Variants in PCNX2 observed in about 807,000 individuals in gnomAD.
The protein encoded by PCNX2 is pecanex-like protein 2.
Under a neutral mutation model 223.8 loss-of-function variants are expected in PCNX2, and 168 were observed. The ratio of observed to expected loss-of-function variants is 0.75; its 90% CI spans 0.66 to 0.85. PCNX2 has a LOEUF of 0.85. Among genes scored for constraint, PCNX2 ranks in the 40% least tolerant of loss-of-function variants. PCNX2 has a pLI of 0.00. For missense variants in PCNX2, 2,507 were observed against 2,675.5 expected, an observed-to-expected ratio of 0.94 and a Z score of 1.39; for synonymous variants, 1,006 against 1,052.6, an observed-to-expected ratio of 0.96 and a Z score of 0.86.
chr1:233,234,349 G>C (rs534891097), intron 9 of PCNX2, among the ~76,000 whole-genome samples: 1 of 152,102 alleles, frequency 6.6e-6, no homozygotes, highest in Non-Finnish European at 1.5e-5. Context: ...CTAAACATGA[G>C]CCTGGTTAGC....
rs113215057 is a variant in PCNX2, at chr1:233,294,065, G to C, written c.153+1261C>G. On this transcript the variant is annotated intron_variant, in intron 1 of 33. Transcript: ENST00000258229. Reference sequence around the variant, plus strand: ...ATATATAATTTTGGTTAATTTTTCTGTGAAGTGGTGATTGTGATGATCACA... The same window carrying C: ...ATATATAATTTTGGTTAATTTTTCTCTGAAGTGGTGATTGTGATGATCACA... 64 of 871,816 alleles carry C rather than the reference G, an allele frequency of 7.3e-5. No homozygotes were observed. The African/African-American group carries it at 1.1e-3, about 15-fold the overall frequency. 54.0% of individuals were successfully genotyped at this position (871,816 alleles called of 1,614,324 possible). A position where few individuals can be genotyped will look rare whatever the true frequency, so the allele number is the denominator to read the frequency against.
chr1:233,183,348 C>T lies in PCNX2; in HGVS notation c.3067-4173G>A, dbSNP rs115336322. ...GGGCAACCTTACATGTTTCTTTCCC[C>T]GGTACCTGGCACAAATGTTAGCACC... On this transcript the variant is annotated intron_variant, in intron 15 of 33. Coordinates refer to ENST00000258229, the MANE Select transcript of PCNX2 (RefSeq NM_014801.4). Among the ~76,000 whole-genome samples the T allele has an allele frequency of 5.6e-3, 848 of 152,226 alleles. 5 individuals carry two copies. The highest frequency in any genetic ancestry group is 0.02 in the African/African-American group (817 of 41,524).
At chr1:233,155,084 A>G (rs1164922416) in intron 19 of PCNX2, among the ~76,000 whole-genome samples, 1 of 151,968 alleles carries the variant, frequency 6.6e-6, no homozygotes, top group Admixed American at 6.6e-5. Context: ...AAAAAAAAAA[A>G]AAAAGATACA....
chr1:233,286,329 G>A (rs1661443298), intron 1 of PCNX2, among the ~76,000 whole-genome samples: 1 of 151,902 alleles, frequency 6.6e-6, no homozygotes, highest in Admixed American at 6.6e-5. Flanking sequence ...GGGGTAGAAG[G>A]CACCTAATAT....
chr1:233,160,573 T>A, intron 18 of PCNX2, 140 bp from the exon 19 acceptor site: 2 of 961,780 alleles, frequency 2.1e-6, no homozygotes, highest in Non-Finnish European at 3.0e-6. Flanking sequence ...TTCAGGCCTC[T>A]GAAAATGTCT....
At chr1:233,088,201 T>G (rs572184986) in intron 23 of PCNX2, among the ~76,000 whole-genome samples, 19 of 152,304 alleles carry the variant, frequency 1.2e-4, no homozygotes, top group African/African-American at 4.3e-4. Flanking sequence ...CCCTTTCCAC[T>G]GCGGACACTT....
At chr1:233,068,066 C>A (rs1173149929) in intron 23 of PCNX2, among the ~76,000 whole-genome samples, 1 of 150,508 alleles carries the variant, frequency 6.6e-6, no homozygotes, top group Non-Finnish European at 1.5e-5. Flanking sequence ...CTCTTGAAAG[C>A]AACAAGAAAG....
At chr1:233,195,558 A>G (rs1680679181) in intron 15 of PCNX2, among the ~76,000 whole-genome samples, 1 of 152,246 alleles carries the variant, frequency 6.6e-6, no homozygotes. Flanking sequence ...ACAATCTTAA[A>G]GAAATTACTA....
At chr1:233,056,125 T>C (rs1007467289) in intron 24 of PCNX2, among the ~76,000 whole-genome samples, 1 of 152,208 alleles carries the variant, frequency 6.6e-6, no homozygotes, top group Non-Finnish European at 1.5e-5. Context: ...TAATCTTCTA[T>C]GCAGATGAAG....
chr1:233,247,429 C>T (rs887961460), intron 8 of PCNX2, among the ~76,000 whole-genome samples: 5 of 152,212 alleles, frequency 3.3e-5, no homozygotes, highest in Non-Finnish European at 7.4e-5. Flanking sequence ...AGAGAAGTTA[C>T]ACATGGCAAT....
At chr1:233,195,052 T>C (rs2102885343) in intron 15 of PCNX2, among the ~76,000 whole-genome samples, 2 of 151,086 alleles carry the variant, frequency 1.3e-5, no homozygotes, top group Non-Finnish European at 2.9e-5. Flanking sequence ...AACTAGAAAC[T>C]TCATAGACAT....
chr1:233,259,293 G>C lies in PCNX2; in HGVS notation c.569C>G (p.Pro190Arg), dbSNP rs1018061388. 1.2e-6 allele frequency: 2 copies of C among 1,613,802 alleles called. No homozygotes were observed. Among genetic ancestry groups the C allele is most frequent in the Non-Finnish European group, 1.7e-6 (2 of 1,179,878 alleles). The change falls in exon 5 of 34, where the codon CCT (proline) becomes CGT (arginine). Residue 190 changes from proline to arginine, a missense_variant. Pro to Arg is a moderately radical substitution (Grantham distance 103). This residue lies in a region of PCNX2 where 1,031 missense variants were observed against 1,021.7 expected (regional missense o/e 1.01). Coordinates refer to ENST00000258229, the MANE Select transcript of PCNX2 (RefSeq NM_014801.4). ...AGGTAAGCTTTCCACTTTGATACCAGGTGAGGTAGATGACACTGGTGCTAT... is the reference window on the plus strand; with the variant it reads ...AGGTAAGCTTTCCACTTTGATACCACGTGAGGTAGATGACACTGGTGCTAT... ...HPIAPVSSTS[P>R]GIKVESLPAS...
chr1:233,248,088 T>C (rs1180926863), intron 8 of PCNX2, among the ~76,000 whole-genome samples: 3 of 152,200 alleles, frequency 2.0e-5, no homozygotes, highest in East Asian at 3.9e-4. Flanking sequence ...ACTAGGGCCA[T>C]TCAATAAAGA....
chr1:233,120,673 T>G (rs1426921542), intron 21 of PCNX2, among the ~76,000 whole-genome samples: 1 of 152,096 alleles, frequency 6.6e-6, no homozygotes, highest in Non-Finnish European at 1.5e-5. Flanking sequence ...AAAAAGACAA[T>G]CCCCAAAAGT....
intron 25 of PCNX2, among the ~76,000 whole-genome samples, chr1:233,038,696 C>T (rs969217245): frequency 3.9e-5 from 6 of 152,180 alleles, no homozygotes; most frequent in Non-Finnish European, 7.3e-5. Flanking sequence ...AATGTTGTCA[C>T]AGAGCAGAGA....
intron 9 of PCNX2, chr1:233,232,781 G>A: frequency 2.0e-6 from 2 of 983,470 alleles, no homozygotes; most frequent in Non-Finnish European, 2.4e-6. Flanking sequence ...AGTCAGCCAG[G>A]CCTAGCACTG....
At chr1:233,215,379 ATGTC>A (rs1321440283) in intron 12 of PCNX2, among the ~76,000 whole-genome samples, 1 of 152,234 alleles carries the variant, frequency 6.6e-6, no homozygotes, top group Non-Finnish European at 1.5e-5. Flanking sequence ...ACATAGTTAA[ATGTC>A]TGACTATGTC....
At chr1:233,147,286 CAT>C (rs1677514673) in intron 19 of PCNX2, among the ~76,000 whole-genome samples, 1 of 152,154 alleles carries the variant, frequency 6.6e-6, no homozygotes, top group African/African-American at 2.4e-5. Context: ...ATGATTAACA[CAT>C]ATTTTATCTG....
At chr1:233,058,667 T>TTC (rs1288279545) in intron 23 of PCNX2, 8 of 140,824 alleles carry the variant, frequency 5.7e-5, no homozygotes, top group African/African-American at 1.4e-4. Context: ...TTTCTTTTCT[T>TTC]TTTTTTTTTT....
Sources: gnomAD v4.1 joint callset for allele counts (sites outside exome capture counted in the v4.1 genomes callset) on GRCh38, gnomAD v4.1.1 for gene constraint, gnomAD v4.1.1 regional missense constraint, MANE v1.5 for transcripts, NCBI Gene and HGNC (gene_info 2026-07-23, HGNC 2026-07-21) for gene names.